Variants in MID1 observed in about 807,000 individuals in gnomAD.
MID1 encodes the protein E3 ubiquitin-protein ligase Midline-1.
A neutral mutation model predicts 40.4 loss-of-function variants in MID1; 7 were observed. The ratio of observed to expected loss-of-function variants is 0.17; its 90% CI spans 0.10 to 0.33. The LOEUF (loss-of-function observed/expected upper bound fraction) is 0.33, where lower values mean the gene tolerates loss of function less well. Ranked by LOEUF, MID1 falls within the 10% of genes least tolerant of loss-of-function variation. The probability of loss-of-function intolerance (pLI) is 1.00; values close to 1 mark genes in which losing one functional copy is unlikely to be tolerated. For missense variants in MID1, 367 were observed against 558.5 expected, an observed-to-expected ratio of 0.66 and a Z score of 3.46; for synonymous variants, 229 against 221.2, an observed-to-expected ratio of 1.04 and a Z score of -0.31.
intron 1 of MID1, among the ~76,000 whole-genome samples, chrX:10,773,029 A>G (rs766002199): frequency 1.8e-5 from 2 of 111,832 alleles, no homozygotes; most frequent in East Asian, 5.6e-4. Flanking sequence ...ACTTCTAAAA[A>G]TGCTGAAAGA....
At chrX:10,746,967 A>C (rs763528349) in intron 1 of MID1, among the ~76,000 whole-genome samples, 2 of 109,131 alleles carry the variant, frequency 1.8e-5, no homozygotes, top group Non-Finnish European at 3.8e-5. Flanking sequence ...ACAAGACAAA[A>C]TTTACTAAAT....
At chrX:10,520,821 C>T (rs1000648974) in intron 3 of MID1, among the ~76,000 whole-genome samples, 4 of 111,560 alleles carry the variant, frequency 3.6e-5, no homozygotes, top group African/African-American at 9.8e-5. Context: ...GATTCCCATC[C>T]TCTAAGACCT....
chrX:10,729,559 G>C (rs888898185), intron 1 of MID1, among the ~76,000 whole-genome samples: 2 of 111,777 alleles, frequency 1.8e-5, no homozygotes, highest in Non-Finnish European at 3.8e-5. Flanking sequence ...GCCTCATCCA[G>C]ATGGTACTCG....
chrX:10,800,184 A>T (rs1418020469), intron 1 of MID1, among the ~76,000 whole-genome samples: 1 of 111,863 alleles, frequency 8.9e-6, no homozygotes, highest in Non-Finnish European at 1.9e-5. Flanking sequence ...TCTTACTAGC[A>T]GACTCTCACC....
chrX:10,526,979 T>C (rs1436541175), intron 2 of MID1, among the ~76,000 whole-genome samples: 6 of 111,406 alleles, frequency 5.4e-5, no homozygotes, highest in Non-Finnish European at 1.1e-4. Flanking sequence ...AAGCTTCCAC[T>C]ACAGGGACTT....
chrX:10,814,922 C>A (rs748750605), intron 1 of MID1, among the ~76,000 whole-genome samples: 1 of 110,546 alleles, frequency 9.0e-6, no homozygotes, highest in Non-Finnish European at 1.9e-5. Flanking sequence ...TAAAGATTAC[C>A]ATTGTTGGTT....
intron 2 of MID1, among the ~76,000 whole-genome samples, chrX:10,562,115 C>CAGAAACAGAAA (rs1450167161): frequency 2.8e-5 from 3 of 105,582 alleles, no homozygotes; most frequent in African/African-American, 3.8e-5. Flanking sequence ...CAAAGTAACA[C>CAGAAACAGAAA]AGAAACAGAA....
chrX:10,559,134 C>T (rs7888964), intron 2 of MID1, among the ~76,000 whole-genome samples: 16,297 of 111,615 alleles, frequency 0.15, 2,276 homozygotes, highest in African/African-American at 0.44. Flanking sequence ...AGTTTTAATA[C>T]ATTTTACAAA....
chrX:10,829,259 CT>C (rs1322507416), intron 1 of MID1, among the ~76,000 whole-genome samples: 1 of 111,849 alleles, frequency 8.9e-6, no homozygotes, highest in Non-Finnish European at 1.9e-5. Flanking sequence ...ATAATTCAGC[CT>C]TTTCTGGCTC....
At chrX:10,523,855 T>C (rs891584367) in intron 2 of MID1, among the ~76,000 whole-genome samples, 7 of 111,980 alleles carry the variant, frequency 6.3e-5, no homozygotes, top group African/African-American at 2.3e-4. Flanking sequence ...CCCTAAACCA[T>C]AGAATATAAC....
intron 2 of MID1, among the ~76,000 whole-genome samples, chrX:10,554,596 G>C (rs929192833): frequency 1.8e-5 from 2 of 112,120 alleles, no homozygotes; most frequent in Non-Finnish European, 3.8e-5. Flanking sequence ...TATTTAGAAT[G>C]AAAGAGCTAC....
chrX:10,595,194 T>C (rs1023013795), intron 1 of MID1, among the ~76,000 whole-genome samples: 5 of 111,847 alleles, frequency 4.5e-5, no homozygotes, highest in African/African-American at 1.3e-4. Context: ...TTTTTCTGAC[T>C]CTTAAAGATC....
intron 1 of MID1, among the ~76,000 whole-genome samples, chrX:10,636,785 G>GATAGATAT (rs1555911853): frequency 2.3e-5 from 1 of 42,719 alleles, no homozygotes; most frequent in African/African-American, 1.2e-4. Context: ...CAACAATGGG[G>GATAGATAT]ATATATATAT....
intron 1 of MID1, among the ~76,000 whole-genome samples, chrX:10,592,706 T>C (rs1279078877): frequency 6.3e-5 from 7 of 110,486 alleles, no homozygotes; most frequent in African/African-American, 1.7e-4. Context: ...CCTACCCTAC[T>C]CATTTAAGGT....
At chrX:10,636,916 G>A (rs1936124921) in intron 1 of MID1, among the ~76,000 whole-genome samples, 1 of 103,153 alleles carries the variant, frequency 9.7e-6, no homozygotes, top group African/African-American at 3.6e-5. Flanking sequence ...GTGTGTGCAT[G>A]TGTGCACAGA....
intron 2 of MID1, among the ~76,000 whole-genome samples, chrX:10,566,266 A>C (rs1387674952): frequency 8.9e-6 from 1 of 111,842 alleles, no homozygotes; most frequent in African/African-American, 3.3e-5. Flanking sequence ...TCTTTCGTGA[A>C]ACCTGAGATT....
chrX:10,697,286 A>G (rs1009121905), intron 1 of MID1, among the ~76,000 whole-genome samples: 9 of 111,848 alleles, frequency 8.0e-5, no homozygotes, highest in Non-Finnish European at 1.7e-4. Flanking sequence ...ATAGCTCTTT[A>G]ATGATCCGTC....
intron 1 of MID1, among the ~76,000 whole-genome samples, chrX:10,697,180 C>T (rs1224566255): frequency 4.5e-5 from 5 of 111,371 alleles, no homozygotes; most frequent in African/African-American, 1.6e-4. Context: ...AAATCTGCTA[C>T]TCCCTCCAAG....
intron 3 of MID1, among the ~76,000 whole-genome samples, chrX:10,514,728 C>A (rs1242931164): frequency 8.9e-6 from 1 of 111,957 alleles, no homozygotes; most frequent in African/African-American, 3.2e-5. Flanking sequence ...TCATGGGAAT[C>A]CTAAGACGTG....
Sources: gnomAD v4.1 joint callset for allele counts (sites outside exome capture counted in the v4.1 genomes callset) on GRCh38, gnomAD v4.1.1 for gene constraint, MANE v1.5 for transcripts, NCBI Gene and HGNC (gene_info 2026-07-23, HGNC 2026-07-21) for gene names.